The following MMP15 variants were observed in gnomAD, a reference collection of about 807,000 sequenced individuals.
MMP15 encodes the protein matrix metalloproteinase-15.
A neutral mutation model predicts 65.0 loss-of-function variants in MMP15; 36 were observed. The observed-to-expected ratio is 0.55, with a 90% CI of 0.42 to 0.73. The LOEUF (loss-of-function observed/expected upper bound fraction) is 0.73. Among genes scored for constraint, MMP15 ranks in the 30% least tolerant of loss-of-function variants. MMP15 has a pLI of 0.00. For synonymous variants in MMP15, 428 were observed against 410.2 expected (o/e 1.04, Z -0.52); for missense variants, 870 against 987.8 (o/e 0.88, Z 1.60).
In MMP15 at chr16:58,040,033, T is replaced by C. The variant is rs41340745; in HGVS notation, c.599T>C (p.Leu200Pro). The change falls in exon 4 of 10, where the codon CTC (leucine) becomes CCC (proline). Residue 200 changes from leucine to proline, a missense_variant. Transcript: ENST00000219271. ...CAGAAGGAGGCCGACATCATGGTAC[T>C]CTTTGCCTCTGGCTTCCACGGCGAC... Reference protein sequence around the residue: ...RRQKEADIMVLFASGFHGDSS... With the variant: ...RRQKEADIMVPFASGFHGDSS... 1 of 1,614,166 alleles carries C rather than the reference T, an allele frequency of 6.2e-7. No homozygotes were observed. The highest frequency in any genetic ancestry group is 2.2e-5 in the East Asian group (1 of 44,884).
At chr16:58,044,628 C>G (rs559048380) in intron 9 of MMP15, among the ~76,000 whole-genome samples, 107 of 152,348 alleles carry the variant, frequency 7.0e-4, no homozygotes, top group African/African-American at 2.5e-3. Context: ...TCCTTCCGCT[C>G]TAGAACAACT....
chr16:58,043,263 C>A lies in MMP15; in HGVS notation c.1357C>A (p.Pro453Thr). Residue 453 changes from proline to threonine, a missense_variant, in exon 8 of 10, where the codon CCG becomes ACG. Physicochemically the swap from Pro to Thr is conservative, Grantham distance 38. Transcript: ENST00000219271. ...GAACCTGGAGCCCGGCTACCCACAG[C>A]CGCTGACCAGCTATGGCCTGGGCAT... is the stretch of plus-strand genomic sequence containing the variant. ...EANLEPGYPQPLTSYGLGIPY... is the reference protein window; with the variant it reads ...EANLEPGYPQTLTSYGLGIPY... The A allele has an allele frequency of 6.2e-7, 1 of 1,602,366 alleles. No homozygotes were observed. The highest frequency in any genetic ancestry group is 8.5e-7 in the Non-Finnish European group (1 of 1,173,890).
In MMP15 at chr16:58,030,546, G is replaced by A. The variant is rs1378476696; in HGVS notation, c.162+4034G>A. ...GATAAGCCCCTGGTACCAGCCATTA[G>A]CCAGCCCCTGGAGATGCCCCCCATC... On this transcript the variant is annotated intron_variant, in intron 1 of 9. Coordinates refer to ENST00000219271, the MANE Select transcript of MMP15 (RefSeq NM_002428.4). Among the ~76,000 whole-genome samples, 3 of 152,262 alleles carry A rather than the reference G, an allele frequency of 2.0e-5. No homozygotes were observed. In the East Asian group the frequency reaches 5.8e-4, roughly 29 times the overall value.
At chr16:58,027,441 T>C (rs1963837918) in intron 1 of MMP15, among the ~76,000 whole-genome samples, 1 of 152,158 alleles carries the variant, frequency 6.6e-6, no homozygotes, top group Non-Finnish European at 1.5e-5. Context: ...TTCTAAGACC[T>C]GCGCCCTGCC....
chr16:58,040,589 G>T lies in MMP15; in HGVS notation c.801G>T (p.Leu267=), dbSNP rs535689427. The T allele has an allele frequency of 2.4e-5, 38 of 1,614,102 alleles. No homozygotes were observed. In the African/African-American group the frequency reaches 4.7e-4, roughly 20 times the overall value. The part of the protein sequence containing the change: ...AVHELGHALG[L]EHSSNPNAIM... ...ATGAGCTGGGCCACGCGCTGGGGCT[G>T]GAGCACTCCAGCAACCCCAATGCCA... Residue 267 remains leucine (L), a synonymous_variant, in exon 5 of 10, where the codon CTG becomes CTT. Transcript: ENST00000219271.
rs1959530753 is a variant in MMP15, at chr16:58,045,140, A to ATGGCCCGACG, written c.1712_1721dup (p.Pro575ArgfsTer106). On this transcript the variant is annotated frameshift_variant, in exon 10 of 10. Coordinates refer to ENST00000219271, the MANE Select transcript of MMP15 (RefSeq NM_002428.4). LOFTEE classifies it low-confidence loss of function (END_TRUNC). ...AGGAGCACGTGGAGCCAGGCCCCCG[A>ATGGCCCGACG]TGGCCCGACGTGGCCCGGCCGCCCT... 1 of 1,602,924 alleles carries ATGGCCCGACG rather than the reference A, an allele frequency of 6.2e-7. No individual in the cohort carries two copies. Among genetic ancestry groups the ATGGCCCGACG allele is most frequent in the African/African-American group, 1.3e-5 (1 of 74,750 alleles).
rs748897402 is a variant in MMP15 at position 58,045,197 on chromosome 16, G to A, written c.1761G>A (p.Ala587=). 1.9e-5 allele frequency: 30 copies of A among 1,593,154 alleles called. No individual in the cohort carries two copies. Among genetic ancestry groups the A allele is most frequent in the Admixed American group, 9.0e-5 (5 of 55,402 alleles). The stretch of plus-strand genomic sequence containing the variant: ...CCCACGGGGGTGCAGAGCCCGGGGC[G>A]GACAGCGCAGAGGGCGACGTGGGGG... ...FNPHGGAEPG[A]DSAEGDVGDG... is the part of the protein sequence containing the mutation. Residue 587 remains alanine, a synonymous_variant, in exon 10 of 10, where the codon GCG becomes GCA. Transcript: ENST00000219271.
intron 3 of MMP15, among the ~76,000 whole-genome samples, chr16:58,038,640 TG>T (rs1169398360): frequency 1.3e-5 from 2 of 152,210 alleles, no homozygotes; most frequent in Non-Finnish European, 2.9e-5. Context: ...TGGGCACAGC[TG>T]GGCTACTGCC....
At chr16:58,027,416 C>T (rs889920899) in intron 1 of MMP15, among the ~76,000 whole-genome samples, 4 of 152,208 alleles carry the variant, frequency 2.6e-5, no homozygotes, top group Non-Finnish European at 4.4e-5. Flanking sequence ...AGAGCAGGGT[C>T]CACTCTTCCC....
At chr16:58,034,533 A>G (rs1349442940) in intron 1 of MMP15, among the ~76,000 whole-genome samples, 1 of 152,166 alleles carries the variant, frequency 6.6e-6, no homozygotes, top group Non-Finnish European at 1.5e-5. Context: ...CTTGGCGTTC[A>G]GTCACCCTGA....
At position 58,042,252 on chromosome 16, in the gene MMP15, C is replaced by A; in HGVS notation, c.1186C>A (p.Arg396=). The part of the protein sequence containing the change: ...VFKGRWFWRV[R]HNRVLDNYPM... ...CCAGGGCCGCTGGTTCTGGCGAGTC[C>A]GGCACAACCGCGTCCTGGACAACTA... Residue 396 remains arginine, a synonymous_variant, in exon 7 of 10, where the codon CGG becomes AGG. Coordinates refer to ENST00000219271, the MANE Select transcript of MMP15 (RefSeq NM_002428.4). The A allele has an allele frequency of 6.2e-7, 1 of 1,614,096 alleles. No individual in the cohort carries two copies. Among genetic ancestry groups the A allele is most frequent in the Non-Finnish European group, 8.5e-7 (1 of 1,179,994 alleles).
chr16:58,042,449 G>A (rs1171423676), intron 7 of MMP15, 80 bp downstream of exon 7: 4 of 1,557,724 alleles, frequency 2.6e-6, no homozygotes, highest in East Asian at 2.3e-5. Context: ...AGAAGAGGAG[G>A]TGAAGGGTTG....
At chr16:58,026,594 G>C in intron 1 of MMP15, 82 bp downstream of exon 1, 1 of 1,264,150 alleles carries the variant, frequency 7.9e-7, no homozygotes, top group South Asian at 2.5e-5. Context: ...GGACTTGGAG[G>C]TGGAGGGAGC....
intron 1 of MMP15, among the ~76,000 whole-genome samples, chr16:58,031,069 C>T (rs1567428308): frequency 6.6e-6 from 1 of 152,088 alleles, no homozygotes; most frequent in Non-Finnish European, 1.5e-5. Flanking sequence ...CACATTTAAT[C>T]CTTGTATTAA....
intron 1 of MMP15, among the ~76,000 whole-genome samples, chr16:58,033,038 G>A (rs1485531874): frequency 2.0e-5 from 3 of 152,092 alleles, no homozygotes; most frequent in Non-Finnish European, 4.4e-5. Context: ...TGCAGCAGAC[G>A]CTTGCCCCCT....
Position 58,040,833 on chromosome 16 carries a change from C to T in MMP15, c.910+135C>T, listed in dbSNP as rs568413351. 49 of 1,296,172 alleles carry T rather than the reference C, an allele frequency of 3.8e-5. No homozygotes were observed. In the African/African-American group the frequency reaches 6.8e-4, roughly 18 times the overall value. 80.3% of individuals were successfully genotyped at this position (1,296,172 alleles called of 1,614,324 possible). On this transcript the variant is annotated intron_variant, in intron 5 of 9. Coordinates refer to ENST00000219271, the MANE Select transcript of MMP15 (RefSeq NM_002428.4). ...GTGAGGATTAGTGACTTGCCCACAT[C>T]ATTTGGGGAATAAATGGTGGTACTG... is the stretch of plus-strand genomic sequence containing the variant.
intron 1 of MMP15, among the ~76,000 whole-genome samples, chr16:58,033,349 C>A (rs538503028): frequency 3.5e-4 from 53 of 152,190 alleles, no homozygotes; most frequent in Non-Finnish European, 7.4e-4. Flanking sequence ...AGCTCTGGGA[C>A]CCTGGGTGAG....
At chr16:58,033,042 GC>G (rs1959261898) in intron 1 of MMP15, among the ~76,000 whole-genome samples, 1 of 152,064 alleles carries the variant, frequency 6.6e-6, no homozygotes, top group Non-Finnish European at 1.5e-5. Context: ...GCAGACGCTT[GC>G]CCCCTCCCCC....
intron 1 of MMP15, among the ~76,000 whole-genome samples, chr16:58,029,319 G>C (rs1410297424): frequency 6.6e-6 from 1 of 152,204 alleles, no homozygotes; most frequent in Non-Finnish European, 1.5e-5. Flanking sequence ...GGCCCCACTG[G>C]TCCCCTCTTT....
Sources: gnomAD v4.1 joint callset for allele counts (sites outside exome capture counted in the v4.1 genomes callset) on GRCh38, gnomAD v4.1.1 for gene constraint, MANE v1.5 for transcripts, NCBI Gene and HGNC (gene_info 2026-07-23, HGNC 2026-07-21) for gene names.